TECPR2: variants seen among roughly 807,000 people sequenced by gnomAD.
TECPR2 encodes the protein tectonin beta-propeller repeat-containing protein 2.
Under a neutral mutation model 138.1 loss-of-function variants are expected in TECPR2, and 65 were observed. The observed-to-expected ratio is 0.47, with a 90% confidence interval of 0.39 to 0.58. The LOEUF (loss-of-function observed/expected upper bound fraction) is 0.58. TECPR2 is among the 20% of genes least tolerant of loss of function. The probability of loss-of-function intolerance (pLI) is 0.00; values close to 1 mark genes in which losing one functional copy is unlikely to be tolerated. For missense variants in TECPR2, 1,553 were observed against 1,824.5 expected (o/e 0.85, Z 2.71); for synonymous variants, 746 against 749.8 (o/e 0.99, Z 0.08).
chr14:102,465,160 C>T lies in TECPR2; in HGVS notation c.3660C>T (p.Ser1220=), dbSNP rs756057585. 10 of 1,614,198 alleles carry T rather than the reference C, an allele frequency of 6.2e-6. No individual in the cohort carries two copies. Among genetic ancestry groups the T allele is most frequent in the Non-Finnish European group, 8.5e-6 (10 of 1,180,042 alleles). The change falls in exon 17 of 20, where the codon AGC becomes AGT. Residue 1220 remains serine, a synonymous_variant. Transcript: ENST00000359520. ...LSQLGAVKLT[S]LACGNQHIWA... Reference sequence around the variant, plus strand: ...CTACAGGAGCTGTAAAATTGACAAGCTTGGCATGTGGAAATCAGCACATCT... The same window carrying T: ...CTACAGGAGCTGTAAAATTGACAAGTTTGGCATGTGGAAATCAGCACATCT...
chr14:102,474,737 C>CA (rs1439658712), intron 17 of TECPR2, among the ~76,000 whole-genome samples: 1 of 152,158 alleles, frequency 6.6e-6, no homozygotes, highest in Non-Finnish European at 1.5e-5. Flanking sequence ...GTATATTTTA[C>CA]AAGGGACCCA....
At chr14:102,480,841 GTTTTTTTTTTT>G in intron 17 of TECPR2, among the ~76,000 whole-genome samples, 1 of 75,212 alleles carries the variant, frequency 1.3e-5, no homozygotes, top group African/African-American at 5.3e-5. Flanking sequence ...TTGGTTTTGG[GTTTTTTTTTTT>G]TTTTTTTTTT....
At chr14:102,374,034 C>G (rs1031632734) in intron 1 of TECPR2, among the ~76,000 whole-genome samples, 3 of 148,282 alleles carry the variant, frequency 2.0e-5, no homozygotes, top group African/African-American at 7.5e-5. Flanking sequence ...ATCGCACCAC[C>G]GCACTCCAGC....
intron 17 of TECPR2, among the ~76,000 whole-genome samples, chr14:102,482,313 C>T (rs1162842588): frequency 6.6e-6 from 1 of 152,232 alleles, no homozygotes; most frequent in East Asian, 1.9e-4. Context: ...GCCTTGGCCT[C>T]CCAAAGTGCT....
chr14:102,381,704 C>T (rs1887825817), intron 2 of TECPR2, among the ~76,000 whole-genome samples: 1 of 152,196 alleles, frequency 6.6e-6, no homozygotes, highest in African/African-American at 2.4e-5. Flanking sequence ...TGCCAACCGA[C>T]CTGCTCTAAA....
chr14:102,438,064 A>G lies in TECPR2; in HGVS notation c.2437A>G (p.Ile813Val), dbSNP rs764726614. The G allele has an allele frequency of 3.1e-6, 5 of 1,613,976 alleles. No homozygotes were observed. Among genetic ancestry groups the G allele is most frequent in the African/African-American group, 2.7e-5 (2 of 74,892 alleles). ...GGGCTACTCGGGTCCCGGCTATGGC[A>G]TCCTCAGCTTGGTGGTCTCCGAGAA... ...WMGYSGPGYGILSLVVSEKYI... is the reference protein window; with the variant it reads ...WMGYSGPGYGVLSLVVSEKYI... Residue 813 changes from isoleucine (I) to valine (V), a missense_variant, in exon 10 of 20, where the codon ATC becomes GTC. Physicochemically the swap from Ile to Val is conservative, Grantham distance 29. Coordinates refer to ENST00000359520, the MANE Select transcript of TECPR2 (RefSeq NM_014844.5).
rs2295976 is a variant in TECPR2, at chr14:102,452,710, C to T, written c.3640+83C>T. ...CAACGTGATGTCGGACAAAACTGCC[C>T]GGCCTGTGTCCAACCTGTGAGAGTT... On this transcript the variant is annotated intron_variant, in intron 16 of 19. Transcript: ENST00000359520. The T allele has an allele frequency of 0.27, 310,249 of 1,138,460 alleles. 45,000 individuals carry two copies. The highest frequency in any genetic ancestry group is 0.32 in the Middle Eastern group (1,119 of 3,552). 70.5% of individuals were successfully genotyped at this position (1,138,460 alleles called of 1,614,324 possible).
intron 2 of TECPR2, among the ~76,000 whole-genome samples, chr14:102,396,493 T>G (rs971694808): frequency 6.6e-6 from 1 of 152,208 alleles, no homozygotes; most frequent in Admixed American, 6.5e-5. Flanking sequence ...TTTTTGTTTT[T>G]TTGTGTTTTC....
chr14:102,428,366 A>T lies in TECPR2; in HGVS notation c.1068A>T (p.Glu356Asp), dbSNP rs2139721504. 6.2e-7 allele frequency: 1 copy of T among 1,608,974 alleles called. No homozygotes were observed. The highest frequency in any genetic ancestry group is 8.5e-7 in the Non-Finnish European group (1 of 1,178,640). The change falls in exon 7 of 20, where the codon GAA becomes GAT. Residue 356 changes from glutamate to aspartate, a missense_variant. Transcript: ENST00000359520. ...RNIIRISSRP[E>D]GLTSTVRDGL... ...TTATAAGAATTTCAAGCAGGCCTGAAGGATTAACATCAACAGGTTTGTATT... is the reference window on the plus strand; with the variant it reads ...TTATAAGAATTTCAAGCAGGCCTGATGGATTAACATCAACAGGTTTGTATT...
At chr14:102,497,911 G>A (rs1350037960) in intron 19 of TECPR2, among the ~76,000 whole-genome samples, 192 bp downstream of exon 19, 1 of 151,962 alleles carries the variant, frequency 6.6e-6, no homozygotes, top group Non-Finnish European at 1.5e-5. Flanking sequence ...GAGTCTCCTG[G>A]GCAAGGACAA....
intron 16 of TECPR2, among the ~76,000 whole-genome samples, chr14:102,464,450 T>G (rs1329223478): frequency 6.6e-6 from 1 of 152,112 alleles, no homozygotes; most frequent in Admixed American, 6.6e-5. Flanking sequence ...TGGAGTGCAG[T>G]GGCACCATCA....
chr14:102,436,581 A>G (rs1209979484), intron 9 of TECPR2, among the ~76,000 whole-genome samples: 2 of 152,166 alleles, frequency 1.3e-5, no homozygotes, highest in Non-Finnish European at 2.9e-5. Context: ...CGGCTTCCCA[A>G]AGTGCTGGGA....
At chr14:102,379,781 T>C (rs1887748098) in intron 2 of TECPR2, among the ~76,000 whole-genome samples, 2 of 142,580 alleles carry the variant, frequency 1.4e-5, no homozygotes, top group African/African-American at 2.7e-5. Context: ...CACAGAGGCG[T>C]CCTAGTCACA....
chr14:102,406,083 G>A (rs1888651103), intron 2 of TECPR2, among the ~76,000 whole-genome samples: 1 of 152,026 alleles, frequency 6.6e-6, no homozygotes, highest in Non-Finnish European at 1.5e-5. Context: ...GGGGAGGGAT[G>A]AATGGGGAAT....
chr14:102,481,493 G>A (rs1890893133), intron 17 of TECPR2, among the ~76,000 whole-genome samples: 1 of 152,200 alleles, frequency 6.6e-6, no homozygotes, highest in Admixed American at 6.5e-5. Flanking sequence ...TGCCAAGTGT[G>A]GTGGTATGTG....
chr14:102,421,978 T>C (rs1251601312), intron 5 of TECPR2, among the ~76,000 whole-genome samples: 2 of 152,182 alleles, frequency 1.3e-5, no homozygotes, highest in African/African-American at 4.8e-5. Flanking sequence ...TGCTTACATG[T>C]GAACTCTGTT....
At position 102,449,664 on chromosome 14, in the gene TECPR2, C is replaced by T. The variant is rs560017522; in HGVS notation, c.3111C>T (p.Cys1037=). Residue 1037 remains cysteine, a synonymous_variant, in exon 14 of 20, where the codon TGC becomes TGT. Coordinates refer to ENST00000359520, the MANE Select transcript of TECPR2 (RefSeq NM_014844.5). ...CGGACTATGTGGTGTTTGACCAGTG[C>T]AGCTTATTTCAGACGATAATCCATG... ...SITDYVVFDQ[C]SLFQTIIHAT... 2.2e-4 allele frequency: 356 copies of T among 1,614,192 alleles called. 3 individuals are homozygous for T. In the South Asian group the frequency reaches 3.8e-3, roughly 17 times the overall value.
At position 102,434,619 on chromosome 14, in the gene TECPR2, C is replaced by T. The variant is rs118141823; in HGVS notation, c.1802C>T (p.Pro601Leu). The T allele has an allele frequency of 0.019, 30,777 of 1,583,794 alleles. 353 individuals carry two copies. The highest frequency in any genetic ancestry group is 0.023 in the Admixed American group (1,329 of 58,614). ...GATGTCACGGGACTCGGAGATGAGCCGTGTCCTGCAGATGATGGACCAAAT... is the reference window on the plus strand; with the variant it reads ...GATGTCACGGGACTCGGAGATGAGCTGTGTCCTGCAGATGATGGACCAAAT... ...GSDVTGLGDE[P>L]CPADDGPNST... The change falls in exon 9 of 20, where the codon CCG (proline) becomes CTG (leucine). Residue 601 changes from proline to leucine, a missense_variant. Coordinates refer to ENST00000359520, the MANE Select transcript of TECPR2 (RefSeq NM_014844.5).
At chr14:102,453,496 GAAGA>G (rs952537451) in intron 16 of TECPR2, among the ~76,000 whole-genome samples, 7 of 151,322 alleles carry the variant, frequency 4.6e-5, no homozygotes, top group Non-Finnish European at 7.4e-5. Context: ...AAAAAAAGAA[GAAGA>G]AAGAAAGAAA....
Sources: gnomAD v4.1 joint callset for allele counts (sites outside exome capture counted in the v4.1 genomes callset) on GRCh38, gnomAD v4.1.1 for gene constraint, MANE v1.5 for transcripts, NCBI Gene and HGNC (gene_info 2026-07-23, HGNC 2026-07-21) for gene names.